The following RALYL variants were observed in gnomAD, a reference collection of about 807,000 sequenced individuals.
RALYL encodes RNA-binding Raly-like protein.
RALYL carries 29 observed loss-of-function variants against 35.1 expected under a neutral mutation model. The ratio of observed to expected loss-of-function variants is 0.83; its 90% CI spans 0.61 to 1.13. The LOEUF (loss-of-function observed/expected upper bound fraction) is 1.13. Among genes scored for constraint, RALYL ranks in the 50% most tolerant of loss-of-function variants. RALYL has a pLI of 0.00. For missense variants in RALYL, 359 were observed against 360.4 expected (o/e 1.00, Z 0.03); for synonymous variants, 120 against 127.6 (o/e 0.94, Z 0.40).
chr8:84,702,565 A>C (rs1344494300), intron 2 of RALYL, among the ~76,000 whole-genome samples: 2 of 149,186 alleles, frequency 1.3e-5, no homozygotes, highest in Non-Finnish European at 1.5e-5. Flanking sequence ...ACACACACAC[A>C]CTCATTCTTT....
Position 84,183,444 on chromosome 8 carries a change from C to A in RALYL, c.-1004C>A. Reference sequence around the variant, plus strand: ...CGGTCCTTCCCCGCTGCCTGCAAGTCAGCCTGGCTCCGAGTCACGTGTCAG... The same window carrying A: ...CGGTCCTTCCCCGCTGCCTGCAAGTAAGCCTGGCTCCGAGTCACGTGTCAG... On this transcript the variant is annotated 5_prime_UTR_variant, in exon 1 of 9. Transcript: ENST00000521268. The A allele has an allele frequency of 6.5e-6, 1 of 153,012 alleles. No homozygotes were observed. Among genetic ancestry groups the A allele is most frequent in the South Asian group, 1.9e-4 (1 of 5,374 alleles). 9.5% of individuals were successfully genotyped at this position (153,012 alleles called of 1,614,324 possible).
chr8:84,712,453 T>TTCCCTCTCTGTGTCTCTCTC lies in RALYL; in HGVS notation c.257-62124_257-62123insCCTCTCTGTGTCTCTCTCTC, dbSNP rs371394185. Among the ~76,000 whole-genome samples, 1,466 of 152,234 alleles carry TTCCCTCTCTGTGTCTCTCTC rather than the reference T, an allele frequency of 9.6e-3. 27 individuals carry two copies. Among genetic ancestry groups the TTCCCTCTCTGTGTCTCTCTC allele is most frequent in the African/African-American group, 0.033 (1,372 of 41,554 alleles). ...GCAGAAATATATTATCTCTCTCTCT[T>TTCCCTCTCTGTGTCTCTCTC]TCTCTCTCTGTGTCTCTCTCAGAAA... On this transcript the variant is annotated intron_variant, in intron 2 of 8. Coordinates refer to ENST00000521268, the MANE Select transcript of RALYL (RefSeq NM_173848.7).
At chr8:84,893,053 A>G (rs1844150510) in intron 8 of RALYL, among the ~76,000 whole-genome samples, 1 of 152,214 alleles carries the variant, frequency 6.6e-6, no homozygotes, top group Non-Finnish European at 1.5e-5. Context: ...AAAAAATACA[A>G]TGCAGCATGT....
intron 1 of RALYL, among the ~76,000 whole-genome samples, chr8:84,519,181 G>T (rs949092528): frequency 2.6e-5 from 4 of 152,066 alleles, no homozygotes; most frequent in African/African-American, 9.7e-5. Context: ...TTATTATTAA[G>T]TAACAGAAGA....
At chr8:84,817,828 TACAAGCATGAGCC>T (rs1339659369) in intron 4 of RALYL, among the ~76,000 whole-genome samples, 1 of 152,154 alleles carries the variant, frequency 6.6e-6, no homozygotes, top group Non-Finnish European at 1.5e-5. Context: ...GTGCTGGGAT[TACAAGCATGAGCC>T]ATCATACTGG....
chr8:84,677,082 G>A (rs1178801343), intron 2 of RALYL, among the ~76,000 whole-genome samples: 2 of 152,136 alleles, frequency 1.3e-5, no homozygotes, highest in Non-Finnish European at 2.9e-5. Context: ...TTACAGGCAT[G>A]AGCCACCCTG....
chr8:84,832,965 C>T (rs893017736), intron 4 of RALYL, among the ~76,000 whole-genome samples: 37 of 152,256 alleles, frequency 2.4e-4, no homozygotes, highest in African/African-American at 8.9e-4. Context: ...ATAATTACTA[C>T]CCTTTAATAC....
At chr8:84,553,104 ACAAAT>A (rs200053451) in intron 2 of RALYL, among the ~76,000 whole-genome samples, 2,804 of 152,290 alleles carry the variant, frequency 0.018, 87 homozygotes, top group African/African-American at 0.064. Flanking sequence ...TAAAGTAAAA[ACAAAT>A]CTTAATCTTA....
chr8:84,714,605 G>T (rs960033503), intron 2 of RALYL, among the ~76,000 whole-genome samples: 4 of 151,892 alleles, frequency 2.6e-5, no homozygotes, highest in Admixed American at 6.6e-5. Context: ...TCAATGCAGT[G>T]TAGGAAGTAG....
At chr8:84,909,381 G>T (rs537491943) in intron 8 of RALYL, among the ~76,000 whole-genome samples, 64 of 152,170 alleles carry the variant, frequency 4.2e-4, no homozygotes, top group African/African-American at 1.5e-3. Flanking sequence ...AATACCATAG[G>T]TTTTGTCCAA....
intron 1 of RALYL, among the ~76,000 whole-genome samples, chr8:84,202,304 T>G (rs542103339): frequency 6.6e-6 from 1 of 152,030 alleles, no homozygotes; most frequent in African/African-American, 2.4e-5. Flanking sequence ...TGGGTTAGAT[T>G]TACTTAAAGA....
At chr8:84,720,997 G>C (rs1843792865) in intron 2 of RALYL, among the ~76,000 whole-genome samples, 1 of 151,874 alleles carries the variant, frequency 6.6e-6, no homozygotes, top group African/African-American at 2.4e-5. Context: ...TAAATGCTGG[G>C]GAGCATTTGG....
intron 1 of RALYL, among the ~76,000 whole-genome samples, chr8:84,326,016 G>C (rs926653275): frequency 2.0e-5 from 3 of 152,100 alleles, no homozygotes; most frequent in African/African-American, 7.2e-5. Context: ...GGAGGCTGAG[G>C]CAGGAGAATC....
chr8:84,856,197 T>C (rs1438371305), intron 5 of RALYL, among the ~76,000 whole-genome samples: 1 of 152,208 alleles, frequency 6.6e-6, no homozygotes, highest in Non-Finnish European at 1.5e-5. Flanking sequence ...TAGATGCACA[T>C]GTGTTGACTG....
intron 8 of RALYL, among the ~76,000 whole-genome samples, chr8:84,889,691 TA>T (rs1338885289): frequency 6.6e-6 from 1 of 152,200 alleles, no homozygotes; most frequent in Non-Finnish European, 1.5e-5. Context: ...TATCACCACA[TA>T]GCTCTCCAAT....
At chr8:84,653,728 C>T (rs562776632) in intron 2 of RALYL, among the ~76,000 whole-genome samples, 2 of 149,380 alleles carry the variant, frequency 1.3e-5, no homozygotes, top group South Asian at 2.1e-4. Flanking sequence ...TAACATACCT[C>T]CATAAAACAG....
chr8:84,308,379 A>T (rs1399277658), intron 1 of RALYL, among the ~76,000 whole-genome samples: 1 of 152,138 alleles, frequency 6.6e-6, no homozygotes, highest in Non-Finnish European at 1.5e-5. Context: ...AAAATTATTT[A>T]AAACAGTCTC....
chr8:84,466,965 A>G (rs2051773080), intron 1 of RALYL, among the ~76,000 whole-genome samples: 1 of 151,922 alleles, frequency 6.6e-6, no homozygotes, highest in African/African-American at 2.4e-5. Flanking sequence ...GGTAGTTTGT[A>G]TTTCTGTGGG....
chr8:84,739,351 G>A (rs951083884), intron 2 of RALYL, among the ~76,000 whole-genome samples: 26 of 151,010 alleles, frequency 1.7e-4, no homozygotes, highest in African/African-American at 6.3e-4. Flanking sequence ...TTATAGTTTA[G>A]TATCAAAAAA....
Sources: gnomAD v4.1 joint callset for allele counts (sites outside exome capture counted in the v4.1 genomes callset) on GRCh38, gnomAD v4.1.1 for gene constraint, MANE v1.5 for transcripts, NCBI Gene and HGNC (gene_info 2026-07-23, HGNC 2026-07-21) for gene names.